The following IFT122 variants were observed in gnomAD, a reference collection of about 807,000 sequenced individuals.
The protein encoded by IFT122 is intraflagellar transport protein 122 homolog.
In IFT122, 118 loss-of-function variants were observed where a neutral mutation model predicts 161.6. That is an observed-to-expected ratio of 0.73 (90% confidence interval 0.63 to 0.85). The LOEUF is 0.85. Ranked by LOEUF, IFT122 falls within the 40% of genes least tolerant of loss-of-function variation. The pLI is 0.00. For missense variants in IFT122, 1,381 were observed against 1,579.6 expected (o/e 0.87, Z 2.13); for synonymous variants, 550 against 602.4 (o/e 0.91, Z 1.27).
At chr3:129,449,787 T>C in intron 1 of IFT122, 84 bp from the exon 2 acceptor site, 1 of 910,182 alleles carries the variant, frequency 1.1e-6, no homozygotes, top group Non-Finnish European at 1.9e-6. Context: ...TGTTTCTTAA[T>C]GGCAATAAAG....
rs940532867 is a variant in IFT122 at position 129,478,206 on chromosome 3, C to T, written c.1338C>T (p.Ile446=). Residue 446 remains isoleucine, a synonymous_variant, in exon 12 of 30, where the codon ATC becomes ATT. Transcript: ENST00000348417. ...CNLLVVCANH[I]ILCQEKRLQC... ...TCCTGGTGGTGTGTGCCAATCACAT[C>T]ATCCTGTGCCAGGTGGGCAGCAGCA... 5 of 1,614,136 alleles carry T rather than the reference C, an allele frequency of 3.1e-6. No homozygotes were observed. Among genetic ancestry groups the T allele is most frequent in the East Asian group, 4.5e-5 (2 of 44,886 alleles).
chr3:129,507,721 G>T lies in IFT122; in HGVS notation c.2845G>T (p.Ala949Ser). Residue 949 changes from alanine to serine, a missense_variant, in exon 23 of 30, where the codon GCA becomes TCA. Transcript: ENST00000348417. ...CAAGTTCTACCACTTCCAGCGTTTG[G>T]CAGAGCTGTACCATGGTTACCATGC... ...LGKFYHFQRL[A>S]ELYHGYHAIH... 1 of 1,614,142 alleles carries T rather than the reference G, an allele frequency of 6.2e-7. No homozygotes were observed. The highest frequency in any genetic ancestry group is 8.5e-7 in the Non-Finnish European group (1 of 1,180,010).
intron 4 of IFT122, 194 bp from the exon 5 acceptor site, chr3:129,461,034 A>G: frequency 9.1e-7 from 1 of 1,093,064 alleles, no homozygotes; most frequent in Non-Finnish European, 1.4e-6. Flanking sequence ...CAAATAAGAA[A>G]ACAGTGGGTG....
At chr3:129,475,582 G>A (rs1256563871) in intron 9 of IFT122, among the ~76,000 whole-genome samples, 1 of 152,198 alleles carries the variant, frequency 6.6e-6, no homozygotes, top group Non-Finnish European at 1.5e-5. Flanking sequence ...AAGCTGGGAA[G>A]TGGAGGTTGC....
chr3:129,498,559 T>TA (rs1261402369), intron 18 of IFT122, among the ~76,000 whole-genome samples: 1 of 152,182 alleles, frequency 6.6e-6, no homozygotes, highest in African/African-American at 2.4e-5. Flanking sequence ...AGCATCAGGG[T>TA]ATACAATGCG....
intron 15 of IFT122, chr3:129,483,949 G>T: frequency 1.9e-6 from 1 of 522,160 alleles, no homozygotes; most frequent in Non-Finnish European, 3.5e-6. Flanking sequence ...ATGCAGTGTT[G>T]TCAGCAGCGT....
At chr3:129,459,021 T>C (rs2075853911) in intron 4 of IFT122, among the ~76,000 whole-genome samples, 1 of 152,166 alleles carries the variant, frequency 6.6e-6, no homozygotes, top group African/African-American at 2.4e-5. Context: ...GTCAGAAACT[T>C]GGGGTCAGTG....
At chr3:129,478,697 C>T (rs1223791542) in intron 12 of IFT122, among the ~76,000 whole-genome samples, 4 of 152,084 alleles carry the variant, frequency 2.6e-5, no homozygotes, top group Non-Finnish European at 5.9e-5. Context: ...TGAGACCTGT[C>T]CAGCTTCCTA....
chr3:129,502,444 G>A (rs2081671399), intron 19 of IFT122, among the ~76,000 whole-genome samples: 1 of 152,214 alleles, frequency 6.6e-6, no homozygotes, highest in African/African-American at 2.4e-5. Context: ...GGGATTAGGA[G>A]ATAATTGTTT....
At position 129,450,737 on chromosome 3, in the gene IFT122, TG is replaced by T. The variant is rs1208980228; in HGVS notation, c.108+802del. ...TGTTTTTTTTTTTTTTTTTTTTTTT[TG>T]GAGACAGAGTCTGGCTCTGTCGCCC... On this transcript the variant is annotated intron_variant, in intron 2 of 29. Transcript: ENST00000348417. 0.022 allele frequency among the ~76,000 whole-genome samples: 2,312 copies of T among 103,434 alleles called. 242 individuals are homozygous for T. The East Asian group carries it at 0.3, about 13-fold the overall frequency. 67.9% of individuals were successfully genotyped at this position (103,434 alleles called of 152,430 possible).
At chr3:129,463,691 A>G (rs2076417905) in intron 6 of IFT122, 65 bp downstream of exon 6, 12 of 1,324,034 alleles carry the variant, frequency 9.1e-6, no homozygotes, top group South Asian at 2.4e-5. Flanking sequence ...TCAAAATCCA[A>G]TTATTTCATG....
chr3:129,481,654 G>T lies in IFT122; in HGVS notation c.1613G>T (p.Cys538Phe). Residue 538 changes from cysteine (C) to phenylalanine (F), a missense_variant, in exon 14 of 30, where the codon TGC becomes TTC. Transcript: ENST00000348417. ...KLAVVDENDT[C>F]LVYDIDTKEL... ...GCCGTGGTAGATGAAAATGACACTT[G>T]CCTGGTGTATGACATCGACACCAAG... The T allele has an allele frequency of 1.2e-6, 2 of 1,613,938 alleles. No individual in the cohort carries two copies. The highest frequency in any genetic ancestry group is 1.7e-6 in the Non-Finnish European group (2 of 1,179,784).
chr3:129,473,362 AT>A (rs987443482), intron 9 of IFT122, among the ~76,000 whole-genome samples: 15 of 152,166 alleles, frequency 9.9e-5, no homozygotes, highest in African/African-American at 3.4e-4. Flanking sequence ...GTCTCCATTG[AT>A]TTTTTTCCCT....
chr3:129,491,993 T>G (rs1447791958), intron 16 of IFT122, 148 bp from the exon 17 acceptor site: 4 of 753,412 alleles, frequency 5.3e-6, no homozygotes, highest in Non-Finnish European at 9.7e-6. Flanking sequence ...TATAACCTCC[T>G]GCACGCACGA....
Position 129,476,024 on chromosome 3 carries a change from C to G in IFT122, c.817-291C>G, listed in dbSNP as rs2077898108. On this transcript the variant is annotated intron_variant, in intron 9 of 29. Coordinates refer to ENST00000348417, the MANE Select transcript of IFT122 (RefSeq NM_052989.3). ...GAACAAAACCACCCACAGTCTCCAT[C>G]TTGGCGGAGGAGCCCTGACACACTC... is the stretch of plus-strand genomic sequence containing the variant. The G allele has an allele frequency of 1.5e-5, 7 of 469,180 alleles. No homozygotes were observed. The South Asian group carries it at 1.5e-4, about 10-fold the overall frequency. The allele number at this position is 469,180 out of a possible 1,614,324, so 29.1% of individuals were successfully genotyped here.
At chr3:129,448,751 G>A (rs1456054152) in intron 1 of IFT122, among the ~76,000 whole-genome samples, 1 of 151,824 alleles carries the variant, frequency 6.6e-6, no homozygotes, top group East Asian at 1.9e-4. Context: ...GAGTGCAGTG[G>A]CATGATCTTG....
intron 18 of IFT122, among the ~76,000 whole-genome samples, chr3:129,497,287 C>G (rs1559964875): frequency 1.3e-5 from 2 of 152,156 alleles, no homozygotes. Flanking sequence ...AATAAAATGC[C>G]TGGCCTTGGT....
intron 25 of IFT122, 56 bp downstream of exon 25, chr3:129,514,610 A>C: frequency 3.9e-4 from 624 of 1,587,308 alleles, no homozygotes; most frequent in Non-Finnish European, 4.9e-4. Context: ...AGGCCATCTC[A>C]TGCCTTCTTG....
At chr3:129,460,861 T>C (rs2076140604) in intron 4 of IFT122, 1 of 1,613,552 alleles carries the variant, frequency 6.2e-7, no homozygotes, top group Non-Finnish European at 8.5e-7. Context: ...CAGATCTTGG[T>C]CTGTGATGTC....
Sources: gnomAD v4.1 joint callset for allele counts (sites outside exome capture counted in the v4.1 genomes callset) on GRCh38, gnomAD v4.1.1 for gene constraint, MANE v1.5 for transcripts, NCBI Gene and HGNC (gene_info 2026-07-23, HGNC 2026-07-21) for gene names.